TCEA2: variants seen among roughly 807,000 people sequenced by gnomAD.
TCEA2 encodes transcription elongation factor A2, also known as transcription elongation factor A protein 2.
Under a neutral mutation model 40.8 loss-of-function variants are expected in TCEA2, and 21 were observed. That is an observed-to-expected ratio of 0.51 (90% CI 0.36 to 0.74). TCEA2 has a LOEUF of 0.74. Among genes scored for constraint, TCEA2 ranks in the 30% least tolerant of loss-of-function variants. The probability of loss-of-function intolerance (pLI) is 0.00; values close to 1 mark genes in which losing one functional copy is unlikely to be tolerated. For missense variants in TCEA2, 326 were observed against 426.5 expected, an observed-to-expected ratio of 0.76 and a Z score of 2.08; for synonymous variants, 165 against 162.7, an observed-to-expected ratio of 1.01 and a Z score of -0.11.
In TCEA2 at chr20:64,066,989, G is replaced by A; in HGVS notation, c.210G>A (p.Lys70=). 1 of 1,613,724 alleles carries A rather than the reference G, an allele frequency of 6.2e-7. No individual in the cohort carries two copies. Among genetic ancestry groups the A allele is most frequent in the African/African-American group, 1.3e-5 (1 of 75,048 alleles). ...SSDEEVIALA[K]SLIKSWKKLL... ...ATGAGGAGGTCATTGCACTGGCCAA[G>A]TCTCTCATCAAGTCCTGGAAGAAGC... The change falls in exon 3 of 10, where the codon AAG becomes AAA. Residue 70 remains lysine (K), a synonymous_variant. Coordinates refer to ENST00000343484, the MANE Select transcript of TCEA2 (RefSeq NM_003195.6).
At chr20:64,066,256 C>G in intron 1 of TCEA2, 1 of 517,724 alleles carries the variant, frequency 1.9e-6, no homozygotes, top group Non-Finnish European at 3.5e-6. Context: ...TGCAGAACCC[C>G]TCCCCTTCTT....
intron 4 of TCEA2, among the ~76,000 whole-genome samples, chr20:64,068,875 T>G (rs6011275): frequency 0.36 from 54,282 of 152,190 alleles, 9,940 homozygotes; most frequent in South Asian, 0.5. Flanking sequence ...TGCCCAGGGG[T>G]GTCGTCTGTG....
In TCEA2 at chr20:64,066,497, C is replaced by T. The variant is rs1334229823; in HGVS notation, c.94C>T (p.Arg32Trp). ...KSAEGAMDLL[R>W]ELKAMPITLH... ...CCAGGAGGGAGCCATGGATTTGCTG[C>T]GGGAGCTGAAGGCCATGCCTATCAC... is the stretch of plus-strand genomic sequence containing the variant. Residue 32 changes from arginine to tryptophan, a missense_variant, in exon 2 of 10, where the codon CGG (arginine) becomes TGG (tryptophan). By Grantham distance (101) the Arg-to-Trp change is moderately radical (BLOSUM62 -3). Transcript: ENST00000343484. 7 of 1,613,716 alleles carry T rather than the reference C, an allele frequency of 4.3e-6. No individual in the cohort carries two copies. The East Asian group carries it at 8.9e-5, about 21-fold the overall frequency.
intron 3 of TCEA2, 46 bp downstream of exon 3, chr20:64,067,066 G>A (rs1317020784): frequency 1.8e-5 from 28 of 1,556,152 alleles, no homozygotes; most frequent in Non-Finnish European, 2.4e-5. Flanking sequence ...AGGGGTCCCA[G>A]AAGTGCTGCC....
intron 4 of TCEA2, among the ~76,000 whole-genome samples, chr20:64,068,936 T>A (rs2059760282): frequency 6.6e-6 from 1 of 152,248 alleles, no homozygotes; most frequent in South Asian, 2.1e-4. Context: ...CCCAGACAGC[T>A]GTGGGTCTCT....
At chr20:64,070,992 T>C (rs2059815986) in intron 8 of TCEA2, among the ~76,000 whole-genome samples, 1 of 152,070 alleles carries the variant, frequency 6.6e-6, no homozygotes, top group African/African-American at 2.4e-5. Flanking sequence ...GTCCCTGCCA[T>C]GGAGGTGGAC....
chr20:64,068,114 C>G lies in TCEA2; in HGVS notation c.309C>G (p.Ala103=). ...GMPLPTSSRD[A]SEAPDPSRKR... is the part of the protein sequence containing the mutation. Reference sequence around the variant, plus strand: ...CTCTGCCCACGTCCTCGAGGGATGCCTCAGAGGCCCCGGATCCCAGGTAGC... The same window carrying G: ...CTCTGCCCACGTCCTCGAGGGATGCGTCAGAGGCCCCGGATCCCAGGTAGC... Residue 103 remains alanine, a synonymous_variant, in exon 4 of 10, where the codon GCC becomes GCG. Coordinates refer to ENST00000343484, the MANE Select transcript of TCEA2 (RefSeq NM_003195.6). The G allele has an allele frequency of 6.2e-7, 1 of 1,609,206 alleles. No homozygotes were observed. Among genetic ancestry groups the G allele is most frequent in the East Asian group, 2.2e-5 (1 of 44,744 alleles).
At chr20:64,066,814 C>A in intron 2 of TCEA2, 101 bp from the exon 3 acceptor site, 1 of 1,209,038 alleles carries the variant, frequency 8.3e-7, no homozygotes, top group Non-Finnish European at 1.2e-6. Context: ...CCTGGGAGGT[C>A]CCGGGCTCCT....
rs1293292600 is a variant in TCEA2 at position 64,069,749 on chromosome 20, G to C, written c.461-16G>C. On this transcript the variant is annotated splice_polypyrimidine_tract_variant and intron_variant, in intron 5 of 9. Transcript: ENST00000343484. Reference sequence around the variant, plus strand: ...AGAAACCAGTGGGGGAAGCTAGTCAGGGCTCCCTCTTGCAGATGACCACGT... The same window carrying C: ...AGAAACCAGTGGGGGAAGCTAGTCACGGCTCCCTCTTGCAGATGACCACGT... 2 of 1,607,016 alleles carry C rather than the reference G, an allele frequency of 1.2e-6. No individual in the cohort carries two copies. The highest frequency in any genetic ancestry group is 1.7e-6 in the Non-Finnish European group (2 of 1,174,568).
At position 64,068,040 on chromosome 20, in the gene TCEA2, C is replaced by T. The variant is rs1569251044; in HGVS notation, c.242-7C>T. 2.5e-6 allele frequency: 4 copies of T among 1,603,058 alleles called. No individual in the cohort carries two copies. The highest frequency in any genetic ancestry group is 1.7e-5 in the Admixed American group (1 of 58,994). On this transcript the variant is annotated splice_polypyrimidine_tract_variant and splice_region_variant and intron_variant, in intron 3 of 9. Coordinates refer to ENST00000343484, the MANE Select transcript of TCEA2 (RefSeq NM_003195.6). Reference sequence around the variant, plus strand: ...CTTGATCAGCCCATCCCCGATCTTTCCTGCAGATGCTTCCGATGCCAAAGC... The same window carrying T: ...CTTGATCAGCCCATCCCCGATCTTTTCTGCAGATGCTTCCGATGCCAAAGC...
intron 1 of TCEA2, 106 bp from the exon 2 acceptor site, chr20:64,066,370 A>G: frequency 7.1e-7 from 1 of 1,402,256 alleles, no homozygotes; most frequent in Non-Finnish European, 1.0e-6. Context: ...CCCAGGTTGA[A>G]TCTCCAAATT....
At chr20:64,069,317 C>T in intron 4 of TCEA2, 44 bp from the exon 5 acceptor site, 1 of 1,529,920 alleles carries the variant, frequency 6.5e-7, no homozygotes, top group South Asian at 1.2e-5. Context: ...GCTGGGGTGC[C>T]TGCAGCCTTG....
upstream of TCEA2, among the ~76,000 whole-genome samples, chr20:64,058,402 C>T (rs916004961): frequency 2.6e-5 from 4 of 152,258 alleles, no homozygotes; most frequent in Non-Finnish European, 4.4e-5. This position sits in a 1 kb window ranked among gnomAD's most constrained non-coding sequence, Gnocchi z 6.7. Context: ...CGTCTGCAGC[C>T]TCTGTGGGCC....
chr20:64,064,405 C>G (rs1012228496), intron 1 of TCEA2: 1 of 152,256 alleles, frequency 6.6e-6, no homozygotes, highest in Non-Finnish European at 1.5e-5. Context: ...CTGCACCCTC[C>G]CACAGAAGCA....
upstream of TCEA2, among the ~76,000 whole-genome samples, chr20:64,055,812 G>T (rs2059467692): frequency 6.6e-6 from 1 of 152,100 alleles, no homozygotes. The surrounding 1 kb of genome is among the most constrained non-coding windows in gnomAD (Gnocchi z 4.0). Flanking sequence ...CCTGGCCAAG[G>T]TTTGCTCTCA....
At chr20:64,058,875 C>G (rs1345767007), upstream of TCEA2, among the ~76,000 whole-genome samples, 2 of 152,122 alleles carry the variant, frequency 1.3e-5, no homozygotes, top group African/African-American at 2.4e-5. The surrounding 1 kb of genome is among the most constrained non-coding windows in gnomAD (Gnocchi z 6.7). Context: ...CGAACGACAC[C>G]TTTCTGCTAG....
intron 2 of TCEA2, 121 bp from the exon 3 acceptor site, chr20:64,066,794 C>T: frequency 1.0e-6 from 1 of 1,000,580 alleles, no homozygotes; most frequent in Non-Finnish European, 1.5e-6. Flanking sequence ...TTGGGAGAGG[C>T]CTCTACCTCC....
rs1317358697 is a variant in TCEA2 at position 64,058,096 on chromosome 20, G to C, written c.-84+445G>C. Among the ~76,000 whole-genome samples the C allele has an allele frequency of 6.6e-6, 1 of 152,230 alleles. No homozygotes were observed. Among genetic ancestry groups the C allele is most frequent in the African/African-American group, 2.4e-5 (1 of 41,454 alleles). The stretch of plus-strand genomic sequence containing the variant: ...CAGTAGTTGCTTCCACGCAGGACTA[G>C]AGCATGTCAGGGTTCGGGGCTCCTG... On this transcript the variant is annotated intron_variant, in intron 1 of 10. Transcript: ENST00000361317. The surrounding 1 kb of genome is among the most constrained non-coding windows in gnomAD (Gnocchi z 6.7).
At chr20:64,060,536 C>G (rs1302484103), upstream of TCEA2, among the ~76,000 whole-genome samples, 1 of 152,182 alleles carries the variant, frequency 6.6e-6, no homozygotes, top group Non-Finnish European at 1.5e-5. Flanking sequence ...CTGGGTGGCT[C>G]TAGCCTCCCC....
Sources: gnomAD v4.1 joint callset for allele counts (sites outside exome capture counted in the v4.1 genomes callset) on GRCh38, gnomAD v4.1.1 for gene constraint, Gnocchi (gnomAD v3.1) non-coding constraint, MANE v1.5 for transcripts, NCBI Gene and HGNC (gene_info 2026-07-23, HGNC 2026-07-21) for gene names.